Variants in LIPA observed in about 807,000 individuals in gnomAD.
The protein encoded by LIPA is lysosomal acid lipase/cholesteryl ester hydrolase.
LIPA carries 26 observed loss-of-function variants against 40.6 expected under a neutral mutation model. The observed-to-expected ratio is 0.64, with a 90% CI of 0.47 to 0.89. The LOEUF (loss-of-function observed/expected upper bound fraction) is 0.89, where lower values mean the gene tolerates loss of function less well. Ranked by LOEUF, LIPA falls within the 40% of genes least tolerant of loss-of-function variation. The pLI is 0.00. For missense variants in LIPA, 455 were observed against 479.6 expected, an observed-to-expected ratio of 0.95 and a Z score of 0.48; for synonymous variants, 188 against 168.4, an observed-to-expected ratio of 1.12 and a Z score of -0.90.
intron 1 of LIPA, among the ~76,000 whole-genome samples, chr10:89,259,991 C>T (rs2095052): frequency 0.61 from 92,975 of 151,960 alleles, 29,076 homozygotes; most frequent in East Asian, 0.88. Context: ...GGTATATACA[C>T]ATGTGAAAAC....
intron 2 of LIPA, among the ~76,000 whole-genome samples, chr10:89,356,836 A>G (rs909851875): frequency 6.6e-6 from 1 of 152,190 alleles, no homozygotes; most frequent in Admixed American, 6.5e-5. Context: ...CCTGGTGCCA[A>G]AAAGGTTGGG....
rs1182005495 is a variant in LIPA at position 89,402,367 on chromosome 10, A to T, written c.61+10424T>A. 2.5e-6 allele frequency: 4 copies of T among 1,614,180 alleles called. No individual in the cohort carries two copies. Among genetic ancestry groups the T allele is most frequent in the Admixed American group, 1.7e-5 (1 of 60,024 alleles). ...TGGGAGTTATCCATTGATGACGATGAAATGCCTGATTTAGAAAACAGAGTC... is the reference window on the plus strand; with the variant it reads ...TGGGAGTTATCCATTGATGACGATGTAATGCCTGATTTAGAAAACAGAGTC... On this transcript the variant is annotated intron_variant, in intron 2 of 8. Transcript: ENST00000371837.
chr10:89,308,454 G>C (rs1426960329), intron 1 of LIPA: 1 of 152,190 alleles, frequency 6.6e-6, no homozygotes, highest in East Asian at 1.9e-4. Flanking sequence ...AAATGTCATT[G>C]ATAATAGATG....
In LIPA at chr10:89,228,086, C is replaced by T. The variant is rs186531856; in HGVS notation, c.428+114G>A. ...AAAACCTTTCAAAAGACACTAACTT[C>T]CCCTCTCATACAACTTCAGAGTTAC... On this transcript the variant is annotated intron_variant, in intron 4 of 9. Coordinates refer to ENST00000336233, the MANE Select transcript of LIPA (RefSeq NM_000235.4). 602 of 857,132 alleles carry T rather than the reference C, an allele frequency of 7.0e-4. 1 individual carries two copies. In the African/African-American group the frequency reaches 9.0e-3, roughly 13 times the overall value. 53.1% of individuals were successfully genotyped at this position (857,132 alleles called of 1,614,324 possible).
chr10:89,220,134 T>C (rs1842678981), intron 8 of LIPA, among the ~76,000 whole-genome samples: 1 of 152,158 alleles, frequency 6.6e-6, no homozygotes, highest in Non-Finnish European at 1.5e-5. Context: ...TAATATAAAA[T>C]AGAGTTGGCC....
exon 1 of LIPA, chr10:89,414,500 G>C (rs905983946): frequency 2.6e-6 from 1 of 380,696 alleles, no homozygotes; most frequent in East Asian, 4.3e-5. Context: ...GTCTGGCCGC[G>C]GCTCTTGAGC....
exon 2 of LIPA, chr10:89,412,867 C>A: frequency 3.1e-6 from 1 of 320,982 alleles, no homozygotes; most frequent in Non-Finnish European, 6.2e-6. Flanking sequence ...ACAACTGTAG[C>A]ACTCACAGCG....
chr10:89,313,483 A>G (rs1843526185), intron 1 of LIPA, among the ~76,000 whole-genome samples: 1 of 152,256 alleles, frequency 6.6e-6, no homozygotes, highest in Admixed American at 6.5e-5. Context: ...ATAGTTGGAC[A>G]GTTCTTCAAA....
At chr10:89,329,577 T>TAG (rs1455450751) in intron 1 of LIPA, among the ~76,000 whole-genome samples, 9 of 152,240 alleles carry the variant, frequency 5.9e-5, no homozygotes, top group East Asian at 3.9e-4. Flanking sequence ...TGCTAAAAAT[T>TAG]TCCAAATGGG....
At chr10:89,406,739 C>A (rs189738843) in intron 2 of LIPA, among the ~76,000 whole-genome samples, 5 of 152,308 alleles carry the variant, frequency 3.3e-5, no homozygotes, top group African/African-American at 1.2e-4. Flanking sequence ...TCTGGACACA[C>A]CACCTTTAAG....
At chr10:89,410,812 G>A (rs1290562941) in intron 2 of LIPA, among the ~76,000 whole-genome samples, 2 of 152,180 alleles carry the variant, frequency 1.3e-5, no homozygotes, top group Non-Finnish European at 2.9e-5. Flanking sequence ...TTACACTGCT[G>A]AAGCCATCAA....
intron 2 of LIPA, chr10:89,403,994 A>C (rs956046335): frequency 3.5e-6 from 1 of 284,636 alleles, no homozygotes; most frequent in African/African-American, 2.2e-5. Flanking sequence ...CTAAATGTTT[A>C]ATTCATTCAT....
chr10:89,390,875 C>T (rs1421572805), intron 2 of LIPA, among the ~76,000 whole-genome samples: 1 of 152,236 alleles, frequency 6.6e-6, no homozygotes, highest in Non-Finnish European at 1.5e-5. Flanking sequence ...AGACATCTTG[C>T]TCCCCAAAAG....
At chr10:89,235,707 G>C (rs891779130) in intron 3 of LIPA, among the ~76,000 whole-genome samples, 2 of 152,212 alleles carry the variant, frequency 1.3e-5, no homozygotes, top group African/African-American at 4.8e-5. Flanking sequence ...GAGGGCCAGG[G>C]CAGAACCAAA....
intron 9 of LIPA, 127 bp from the exon 10 acceptor site, chr10:89,215,188 C>A (rs778387315): frequency 9.3e-6 from 7 of 750,612 alleles, no homozygotes; most frequent in Non-Finnish European, 1.6e-5. Flanking sequence ...TTTTTAAAAT[C>A]TCTTTGAGTA....
intron 1 of LIPA, among the ~76,000 whole-genome samples, chr10:89,326,549 A>G (rs902505771): frequency 1.3e-5 from 2 of 152,240 alleles, no homozygotes; most frequent in Non-Finnish European, 2.9e-5. Context: ...TATAGTCAAC[A>G]ATAGTTTATT....
chr10:89,402,999 G>C, intron 2 of LIPA: 1 of 1,614,142 alleles, frequency 6.2e-7, no homozygotes, highest in Non-Finnish European at 8.5e-7. Context: ...GTACATTGAA[G>C]AAGCTCTAGC....
At chr10:89,363,336 G>C (rs549601162) in intron 2 of LIPA, 1 of 152,354 alleles carries the variant, frequency 6.6e-6, no homozygotes, top group South Asian at 2.1e-4. Flanking sequence ...TATGCAGAGG[G>C]AGGTGAACAC....
chr10:89,345,384 C>A (rs1051936508), upstream of LIPA, among the ~76,000 whole-genome samples: 1 of 151,858 alleles, frequency 6.6e-6, no homozygotes, highest in Non-Finnish European at 1.5e-5. Context: ...CAAAAATTAG[C>A]CAGGTGTGGT....
Sources: allele counts gnomAD v4.1 joint callset (sites outside exome capture counted in the v4.1 genomes callset), GRCh38; gene constraint gnomAD v4.1.1; transcripts MANE v1.5; gene names NCBI Gene and HGNC (gene_info 2026-07-23, HGNC 2026-07-21).